The following HYDIN variants were observed in gnomAD, a reference collection of about 807,000 sequenced individuals.
HYDIN encodes the protein axonemal central pair apparatus protein HYDIN.
HYDIN carries 132 observed loss-of-function variants against 403.9 expected under a neutral mutation model. The observed-to-expected ratio is 0.33, with a 90% CI of 0.28 to 0.38. The LOEUF (loss-of-function observed/expected upper bound fraction) is 0.38. Ranked by LOEUF, HYDIN falls within the 10% of genes least tolerant of loss-of-function variation. The pLI is 1.00. For missense variants in HYDIN, 2,827 were observed against 5,009.5 expected (o/e 0.56, Z 13.15); for synonymous variants, 1,202 against 1,891.7 (o/e 0.64, Z 9.46).
At chr16:70,938,529 C>T (rs2077567870) in intron 44 of HYDIN, 85 bp downstream of exon 44, 1 of 802,170 alleles carries the variant, frequency 1.2e-6, no homozygotes, top group East Asian at 2.6e-5. Flanking sequence ...TGGAAGATGG[C>T]TTGGGCTCAC....
intron 5 of HYDIN, among the ~76,000 whole-genome samples, chr16:71,173,840 TACA>T (rs1259695753): frequency 4.6e-5 from 7 of 152,160 alleles, no homozygotes; most frequent in Admixed American, 4.6e-4. Flanking sequence ...GAGGTACAGA[TACA>T]ACGATACTTA....
chr16:71,057,859 C>T (rs1449375047), intron 18 of HYDIN, among the ~76,000 whole-genome samples: 22 of 111,972 alleles, frequency 2.0e-4, no homozygotes, highest in Admixed American at 9.5e-5. Context: ...TCATCACTGG[C>T]CATCAGAGAA....
Position 70,807,777 on chromosome 16 carries a change from C to A in HYDIN, c.15169G>T (p.Asp5057Tyr). Residue 5057 changes from aspartate to tyrosine, a missense_variant, in exon 86 of 86, where the codon GAT becomes TAT. Coordinates refer to ENST00000393567, the MANE Select transcript of HYDIN (RefSeq NM_001270974.2). ...GCGCGAATGGTGAAGGCTGGGTTAT[C>A]CACGATGATGGAGAAGGTCACCATG... ...YHMVTFSIIV[D>Y]NPAFTIRAGE... is the part of the protein sequence containing the mutation. 6.2e-7 allele frequency: 1 copy of A among 1,614,180 alleles called. No individual in the cohort carries two copies. Among genetic ancestry groups the A allele is most frequent in the Non-Finnish European group, 8.5e-7 (1 of 1,180,026 alleles).
chr16:71,150,760 A>C (rs1360152053), intron 7 of HYDIN, among the ~76,000 whole-genome samples: 2 of 152,214 alleles, frequency 1.3e-5, no homozygotes, highest in East Asian at 3.8e-4. Flanking sequence ...TTATCAAGGA[A>C]ATGAAAAGGC....
chr16:71,062,488 A>G (rs1275667629), intron 16 of HYDIN, 155 bp from the exon 17 acceptor site: 17 of 577,432 alleles, frequency 2.9e-5, no homozygotes, highest in Non-Finnish European at 4.5e-5. Context: ...CAATTCGGCC[A>G]AAAGGAAGTT....
At chr16:71,004,250 G>A (rs1490751788) in intron 23 of HYDIN, among the ~76,000 whole-genome samples, 1 of 150,888 alleles carries the variant, frequency 6.6e-6, no homozygotes, top group Admixed American at 6.6e-5. Context: ...GGAGGCGGAG[G>A]TTGTAGTGAG....
intron 18 of HYDIN, among the ~76,000 whole-genome samples, chr16:71,046,923 A>G (rs1255517627): frequency 6.6e-6 from 1 of 152,088 alleles, no homozygotes; most frequent in African/African-American, 2.4e-5. Flanking sequence ...AGGGACATAA[A>G]TCGAGTTGAT....
At chr16:71,004,176 C>T (rs914546798) in intron 23 of HYDIN, among the ~76,000 whole-genome samples, 4 of 151,602 alleles carry the variant, frequency 2.6e-5, no homozygotes, top group Admixed American at 6.6e-5. Context: ...TAGCCAGGTA[C>T]GGTGGCGCAT....
intron 5 of HYDIN, among the ~76,000 whole-genome samples, chr16:71,171,110 C>T (rs558314035): frequency 3.0e-4 from 45 of 152,294 alleles, no homozygotes; most frequent in African/African-American, 1.1e-3. Flanking sequence ...CAACAGCTTC[C>T]TCTGCTCCAG....
At chr16:71,159,963 G>C (rs370119809) in intron 6 of HYDIN, among the ~76,000 whole-genome samples, 2 of 123,010 alleles carry the variant, frequency 1.6e-5, no homozygotes, top group Admixed American at 8.4e-5. Context: ...CAGAAATGTG[G>C]ATCTACACGA....
intron 23 of HYDIN, among the ~76,000 whole-genome samples, chr16:71,012,088 C>G (rs999319348): frequency 7.2e-5 from 11 of 152,272 alleles, no homozygotes; most frequent in Non-Finnish European, 1.5e-4. Context: ...AGAGGCTGCT[C>G]GGCTCCCTGA....
intron 67 of HYDIN, among the ~76,000 whole-genome samples, chr16:70,864,939 G>A (rs1448841927): frequency 6.6e-6 from 1 of 152,072 alleles, no homozygotes; most frequent in Non-Finnish European, 1.5e-5. Context: ...ACAGGCTACA[G>A]GCCACAGTTT....
rs1394830766 is a variant in HYDIN, at chr16:70,803,745, G to T, written c.*3835C>A. Among the ~76,000 whole-genome samples the T allele has an allele frequency of 6.6e-6, 1 of 152,188 alleles. No homozygotes were observed. The highest frequency in any genetic ancestry group is 1.5e-5 in the Non-Finnish European group (1 of 68,026). On this transcript the variant is annotated 3_prime_UTR_variant, in exon 86 of 86. Coordinates refer to ENST00000393567, the MANE Select transcript of HYDIN (RefSeq NM_001270974.2). ...ACAGGGTTTAAGGTATTAGGTAGAG[G>T]TCTTGAAATGTAGCAGGCCCTCACC...
In HYDIN at chr16:70,970,621, C is replaced by A. The variant is rs1160981479; in HGVS notation, c.5518G>T (p.Ala1840Ser). 5 of 1,468,674 alleles carry A rather than the reference C, an allele frequency of 3.4e-6. No homozygotes were observed. The South Asian group carries it at 5.7e-5, about 17-fold the overall frequency. The allele number at this position is 1,468,674 out of a possible 1,614,324, so 91.0% of individuals were successfully genotyped here. The change falls in exon 36 of 86, where the codon GCA becomes TCA. Residue 1840 changes from alanine to serine, a missense_variant. Physicochemically the swap from Ala to Ser is moderately conservative, Grantham distance 99. Transcript: ENST00000393567. ...VLDLGPLLLC[A>S]PGDEAEVIVK... ...ATCACCTCGGCCTCGTCTCCAGGTG[C>A]ACAAAGTAGCAGTGGCCCCAGATCC...
At chr16:71,176,288 A>C (rs1349763250) in intron 4 of HYDIN, among the ~76,000 whole-genome samples, 1 of 151,138 alleles carries the variant, frequency 6.6e-6, no homozygotes, top group Non-Finnish European at 1.5e-5. Context: ...CTGGGAGCAA[A>C]GAGCAAGACT....
intron 18 of HYDIN, among the ~76,000 whole-genome samples, chr16:71,060,209 A>G (rs1163850491): frequency 6.6e-6 from 1 of 151,974 alleles, no homozygotes; most frequent in African/African-American, 2.4e-5. Context: ...TATTGACTGT[A>G]CTTGCCTGTT....
At chr16:71,198,179 T>C (rs2087801467) in intron 1 of HYDIN, among the ~76,000 whole-genome samples, 4 of 152,280 alleles carry the variant, frequency 2.6e-5, no homozygotes, top group Admixed American at 2.6e-4. Flanking sequence ...AATGTATCTA[T>C]TTTATTATAT....
intron 36 of HYDIN, among the ~76,000 whole-genome samples, chr16:70,969,120 GAA>G (rs541290842): frequency 1.4e-4 from 21 of 152,082 alleles, no homozygotes; most frequent in African/African-American, 5.1e-4. Flanking sequence ...TTAAAAAAAA[GAA>G]AAGAGCCTCA....
intron 1 of HYDIN, chr16:71,203,748 T>G (rs999557168): frequency 4.4e-6 from 2 of 456,050 alleles, no homozygotes; most frequent in Non-Finnish European, 8.8e-6. Flanking sequence ...GAGGCTCATA[T>G]GGGTCCAAAG....
Sources: gnomAD v4.1 joint callset for allele counts (sites outside exome capture counted in the v4.1 genomes callset) on GRCh38, gnomAD v4.1.1 for gene constraint, MANE v1.5 for transcripts, NCBI Gene and HGNC (gene_info 2026-07-23, HGNC 2026-07-21) for gene names.